DLC1: variants seen among roughly 807,000 people sequenced by gnomAD.
The protein encoded by DLC1 is rho GTPase-activating protein 7.
In DLC1, 54 loss-of-function variants were observed where a neutral mutation model predicts 140.3. The ratio of observed to expected loss-of-function variants is 0.38; its 90% CI spans 0.31 to 0.48. DLC1 has a LOEUF of 0.48. Ranked by LOEUF, DLC1 falls within the 20% of genes least tolerant of loss-of-function variation. DLC1 has a pLI of 0.96. For missense variants in DLC1, 2,536 were observed against 1,907.0 expected (o/e 1.33, Z -6.14); for synonymous variants, 986 against 728.1 (o/e 1.35, Z -5.70).
At chr8:13,276,246 C>T (rs1831158007) in intron 5 of DLC1, 3 of 1,534,982 alleles carry the variant, frequency 2.0e-6, no homozygotes, top group African/African-American at 1.4e-5. Flanking sequence ...GTCTCCAATC[C>T]CCCTCTGCCT....
chr8:13,458,487 C>G (rs539114793), intron 2 of DLC1, among the ~76,000 whole-genome samples: 1 of 152,090 alleles, frequency 6.6e-6, no homozygotes, highest in Non-Finnish European at 1.5e-5. Context: ...AGAGTGAGCT[C>G]ATTAAGTAAT....
chr8:13,380,965 T>A (rs1404858107), intron 4 of DLC1, among the ~76,000 whole-genome samples: 1 of 152,190 alleles, frequency 6.6e-6, no homozygotes, highest in Non-Finnish European at 1.5e-5. Flanking sequence ...CTTTGCCCTC[T>A]AGGGAAGGGT....
intron 5 of DLC1, among the ~76,000 whole-genome samples, chr8:13,141,178 C>G (rs1812110): frequency 7.2e-6 from 1 of 139,524 alleles, no homozygotes; most frequent in Non-Finnish European, 1.5e-5. Flanking sequence ...TCACTTGAAT[C>G]TGGGAGGTGG....
intron 1 of DLC1, chr8:13,604,503 T>A (rs537699450): frequency 6.6e-6 from 1 of 152,312 alleles, no homozygotes; most frequent in South Asian, 2.1e-4. Context: ...TTATATATGA[T>A]ACAAAGTATA....
intron 2 of DLC1, among the ~76,000 whole-genome samples, chr8:13,436,977 C>A (rs1006511178): frequency 1.3e-5 from 2 of 152,132 alleles, no homozygotes; most frequent in Admixed American, 6.5e-5. Flanking sequence ...AATATCTATG[C>A]TTATTTAACA....
chr8:13,142,955 A>G (rs1296498502), intron 5 of DLC1, among the ~76,000 whole-genome samples: 1 of 151,756 alleles, frequency 6.6e-6, no homozygotes, highest in African/African-American at 2.4e-5. Context: ...AGGCTGAGGC[A>G]GGAGAATCAC....
At chr8:13,199,980 T>C (rs1827288968) in intron 5 of DLC1, among the ~76,000 whole-genome samples, 1 of 152,212 alleles carries the variant, frequency 6.6e-6, no homozygotes, top group Non-Finnish European at 1.5e-5. Context: ...TGCTAGGCAA[T>C]GTTCTGAAAG....
chr8:13,105,244 C>T (rs1345206579), intron 7 of DLC1, among the ~76,000 whole-genome samples: 2 of 152,252 alleles, frequency 1.3e-5, no homozygotes, highest in African/African-American at 4.8e-5. Context: ...CATTACAGAC[C>T]TAAAGCCCAG....
At position 13,127,669 on chromosome 8, in the gene DLC1, C is replaced by A. The variant is rs80295068; in HGVS notation, c.1349-12012G>T. Among the ~76,000 whole-genome samples the A allele has an allele frequency of 3.3e-3, 500 of 152,338 alleles. 1 individual carries two copies. Among genetic ancestry groups the A allele is most frequent in the African/African-American group, 0.011 (472 of 41,578 alleles). ...CCACAGGCCATTTCACTTCTGAAGT[C>A]TCTTCTTCCGTGGCTTCCTAAAGTG... is the stretch of plus-strand genomic sequence containing the variant. On this transcript the variant is annotated intron_variant, in intron 5 of 17. Coordinates refer to ENST00000276297, the MANE Select transcript of DLC1 (RefSeq NM_182643.3).
intron 4 of DLC1, among the ~76,000 whole-genome samples, chr8:13,371,134 G>GA (rs950127855): frequency 2.0e-5 from 3 of 152,062 alleles, no homozygotes; most frequent in Non-Finnish European, 2.9e-5. Context: ...CTGTGGTCTT[G>GA]TTTTTTTCCT....
intron 1 of DLC1, among the ~76,000 whole-genome samples, chr8:13,533,404 C>T (rs1803166305): frequency 6.6e-6 from 1 of 152,098 alleles, no homozygotes; most frequent in South Asian, 2.1e-4. Context: ...TCTGTGGTTT[C>T]AGGCAAAATA....
intron 2 of DLC1, among the ~76,000 whole-genome samples, chr8:13,436,997 T>C (rs2116900068): frequency 6.6e-6 from 1 of 152,350 alleles, no homozygotes; most frequent in South Asian, 2.1e-4. Context: ...ACCTTTGGTT[T>C]TGATATTGTC....
intron 2 of DLC1, among the ~76,000 whole-genome samples, chr8:13,453,551 T>C (rs575276485): frequency 1.9e-5 from 1 of 53,630 alleles, no homozygotes; most frequent in Admixed American, 2.1e-4. Flanking sequence ...TATATATATA[T>C]ATATATTTTT....
chr8:13,211,537 G>T (rs1370793027), intron 5 of DLC1, among the ~76,000 whole-genome samples: 1 of 152,208 alleles, frequency 6.6e-6, no homozygotes, highest in African/African-American at 2.4e-5. Context: ...CATCAGCTGG[G>T]TGTGGGGAAG....
chr8:13,379,421 C>G (rs1217642795), intron 4 of DLC1, among the ~76,000 whole-genome samples: 1 of 152,180 alleles, frequency 6.6e-6, no homozygotes, highest in Non-Finnish European at 1.5e-5. Flanking sequence ...CTAGCTTAGC[C>G]TAGCCTGTCT....
At chr8:13,345,703 A>G (rs1164327444) in intron 4 of DLC1, among the ~76,000 whole-genome samples, 1 of 151,620 alleles carries the variant, frequency 6.6e-6, no homozygotes, top group Admixed American at 6.6e-5. Context: ...GATTACAGGC[A>G]CCTGCCACCA....
chr8:13,604,197 T>C (rs1489424797), intron 1 of DLC1, among the ~76,000 whole-genome samples: 1 of 152,110 alleles, frequency 6.6e-6, no homozygotes, highest in Non-Finnish European at 1.5e-5. Flanking sequence ...TATTTTCACT[T>C]TGAACTATGT....
chr8:13,190,495 A>C (rs1464079606), intron 5 of DLC1, among the ~76,000 whole-genome samples: 1 of 152,128 alleles, frequency 6.6e-6, no homozygotes, highest in African/African-American at 2.4e-5. Context: ...TTCCCCTTAT[A>C]GGGTTTATGA....
intron 2 of DLC1, among the ~76,000 whole-genome samples, chr8:13,491,591 C>T (rs1219946342): frequency 6.6e-6 from 1 of 152,174 alleles, no homozygotes; most frequent in Admixed American, 6.5e-5. Flanking sequence ...TTCGGGATAA[C>T]ATTTACTACT....
Sources: gnomAD v4.1 joint callset for allele counts (sites outside exome capture counted in the v4.1 genomes callset) on GRCh38, gnomAD v4.1.1 for gene constraint, MANE v1.5 for transcripts, NCBI Gene and HGNC (gene_info 2026-07-23, HGNC 2026-07-21) for gene names.